The following VEPH1 variants were observed in gnomAD, a reference collection of about 807,000 sequenced individuals.
The protein encoded by VEPH1 is ventricular zone expressed PH domain containing 1.
In VEPH1, 80 loss-of-function variants were observed where a neutral mutation model predicts 85.2. The ratio of observed to expected loss-of-function variants is 0.94; its 90% confidence interval spans 0.78 to 1.13. The LOEUF (loss-of-function observed/expected upper bound fraction) is 1.13. VEPH1 is among the 50% of genes most tolerant of loss of function. VEPH1 has a pLI of 0.00. For missense variants in VEPH1, 955 were observed against 980.5 expected (o/e 0.97, Z 0.35); for synonymous variants, 297 against 348.0 (o/e 0.85, Z 1.63).
intron 3 of VEPH1, among the ~76,000 whole-genome samples, chr3:157,466,325 A>G (rs1736370435): frequency 6.6e-6 from 1 of 152,168 alleles, no homozygotes; most frequent in Admixed American, 6.5e-5. Context: ...TAGTGGCTAG[A>G]GCACAGATAG....
At chr3:157,271,103 C>T (rs999917112) in intron 12 of VEPH1, among the ~76,000 whole-genome samples, 2 of 152,136 alleles carry the variant, frequency 1.3e-5, no homozygotes, top group Non-Finnish European at 2.9e-5. Flanking sequence ...CAGGTGCTCT[C>T]GAACACCCCT....
At chr3:157,487,614 G>A (rs1031022868) in intron 2 of VEPH1, among the ~76,000 whole-genome samples, 2 of 151,936 alleles carry the variant, frequency 1.3e-5, no homozygotes, top group Admixed American at 6.6e-5. Context: ...TAAAGACAGT[G>A]GAAAAAGGAC....
intron 9 of VEPH1, 71 bp downstream of exon 9, chr3:157,363,293 T>C (rs1726258992): frequency 7.1e-7 from 1 of 1,416,476 alleles, no homozygotes; most frequent in East Asian, 2.3e-5. Context: ...CTAATTTACC[T>C]GATTTGAGCT....
At chr3:157,301,767 C>T (rs987375073) in intron 11 of VEPH1, among the ~76,000 whole-genome samples, 3 of 152,106 alleles carry the variant, frequency 2.0e-5, no homozygotes, top group Non-Finnish European at 4.4e-5. Context: ...TCTTGGCTGC[C>T]GTGTGGATGC....
At chr3:157,365,813 T>C (rs1199670211) in intron 7 of VEPH1, among the ~76,000 whole-genome samples, 2 of 152,206 alleles carry the variant, frequency 1.3e-5, no homozygotes, top group Non-Finnish European at 2.9e-5. Context: ...CTGGGTACGC[T>C]GTACTCCCAG....
In VEPH1 at chr3:157,416,917, AAGAGAAAGAAAGAAG is replaced by A. The variant is rs566150205; in HGVS notation, c.697-2842_697-2828del. ...AAGAGAAAGGAAGGACGGAAGGAGA[AAGAGAAAGAAAGAAG>A]AGAGAAAAGGAAAGAAAGAAGCTCA... is the stretch of plus-strand genomic sequence containing the variant. On this transcript the variant is annotated intron_variant, in intron 5 of 13. Transcript: ENST00000362010. 2.2e-4 allele frequency among the ~76,000 whole-genome samples: 34 copies of A among 152,204 alleles called. 1 individual carries two copies. In the South Asian group the frequency reaches 6.8e-3, roughly 31 times the overall value.
intron 4 of VEPH1, among the ~76,000 whole-genome samples, chr3:157,457,912 T>A (rs1198397070): frequency 3.3e-5 from 5 of 152,136 alleles, no homozygotes; most frequent in African/African-American, 4.8e-5. Context: ...TCCTCCTCAA[T>A]TTTTTGGAAT....
At chr3:157,328,357 G>A (rs571566423) in intron 9 of VEPH1, among the ~76,000 whole-genome samples, 1 of 152,296 alleles carries the variant, frequency 6.6e-6, no homozygotes, top group South Asian at 2.1e-4. Context: ...CCTAGGCCAG[G>A]TGGAAATGTT....
intron 4 of VEPH1, among the ~76,000 whole-genome samples, chr3:157,450,048 CT>C (rs761761440): frequency 0.026 from 2,044 of 77,172 alleles, 31 homozygotes; most frequent in African/African-American, 0.09. Flanking sequence ...AGAATATTTA[CT>C]TTTTTTTTTT....
At chr3:157,437,688 G>T in intron 4 of VEPH1, 1 of 1,533,654 alleles carries the variant, frequency 6.5e-7, no homozygotes, top group Non-Finnish European at 8.7e-7. Flanking sequence ...TGGCGAGGCC[G>T]TGCGCGCCGG....
At chr3:157,433,738 A>G (rs1033818686) in intron 4 of VEPH1, among the ~76,000 whole-genome samples, 1 of 152,206 alleles carries the variant, frequency 6.6e-6, no homozygotes, top group Non-Finnish European at 1.5e-5. Flanking sequence ...GTAGACATGT[A>G]AAATGAATTT....
At chr3:157,328,089 C>T (rs1722122805) in intron 9 of VEPH1, among the ~76,000 whole-genome samples, 1 of 152,166 alleles carries the variant, frequency 6.6e-6, no homozygotes, top group African/African-American at 2.4e-5. Flanking sequence ...GCTCCTATTT[C>T]TAAGTGTTGT....
chr3:157,460,160 A>G (rs1411637162), intron 4 of VEPH1, 21 bp downstream of exon 4: 1 of 1,614,184 alleles, frequency 6.2e-7, no homozygotes. Flanking sequence ...CATGTCCCCA[A>G]GCTCAACTTT....
At position 157,261,138 on chromosome 3, in the gene VEPH1, A is replaced by G; in HGVS notation, c.2498T>C (p.Leu833Pro). ...ERESREVTTY[L>P] is the part of the protein sequence containing the mutation. ...TCATGGCTGACTTATAAATCCCTAC[A>G]GATATGTGGTTACTTCTCTACTTTC... The change falls in exon 14 of 14, where the codon CTG (leucine) becomes CCG (proline). Residue 833 changes from leucine (L) to proline (P), a missense_variant. Coordinates refer to ENST00000362010, the MANE Select transcript of VEPH1 (RefSeq NM_001167912.2). 3.1e-6 allele frequency: 5 copies of G among 1,613,568 alleles called. No homozygotes were observed. Among genetic ancestry groups the G allele is most frequent in the Non-Finnish European group, 4.2e-6 (5 of 1,179,644 alleles).
At chr3:157,471,468 T>C (rs1736952080) in intron 2 of VEPH1, among the ~76,000 whole-genome samples, 1 of 152,202 alleles carries the variant, frequency 6.6e-6, no homozygotes, top group South Asian at 2.1e-4. Context: ...CCAGAAAGGT[T>C]TTACGAATGT....
Position 157,363,363 on chromosome 3 carries a change from C to T in VEPH1, c.1735+1G>A. 6.3e-7 allele frequency: 1 copy of T among 1,586,746 alleles called. No homozygotes were observed. Among genetic ancestry groups the T allele is most frequent in the Non-Finnish European group, 8.5e-7 (1 of 1,170,788 alleles). On this transcript the variant is annotated splice_donor_variant, in intron 9 of 13. Transcript: ENST00000362010. LOFTEE classifies it high-confidence loss of function. ...AGGTTTGGGAAGTACACAACACTTA[C>T]CTTCAATGGTACACTGATCAGGGAC...
chr3:157,479,254 A>T (rs1272977164), intron 2 of VEPH1, among the ~76,000 whole-genome samples: 1 of 152,174 alleles, frequency 6.6e-6, no homozygotes, highest in African/African-American at 2.4e-5. Flanking sequence ...TTAATGTCAA[A>T]CCCATCAAGC....
intron 6 of VEPH1, among the ~76,000 whole-genome samples, chr3:157,398,006 G>A (rs1009933119): frequency 1.1e-4 from 17 of 152,194 alleles, no homozygotes; most frequent in East Asian, 3.9e-4. Flanking sequence ...CCATGCCCTC[G>A]TCTCTTCCTC....
intron 2 of VEPH1, among the ~76,000 whole-genome samples, chr3:157,489,775 T>C (rs183338398): frequency 1.6e-4 from 25 of 151,988 alleles, no homozygotes; most frequent in African/African-American, 4.3e-4. Flanking sequence ...GTCTGAAACA[T>C]AGTAGACAAC....
Sources: gnomAD v4.1 joint callset for allele counts (sites outside exome capture counted in the v4.1 genomes callset) on GRCh38, gnomAD v4.1.1 for gene constraint, MANE v1.5 for transcripts, NCBI Gene and HGNC (gene_info 2026-07-23, HGNC 2026-07-21) for gene names.